The following CDC42SE2 variants were observed in gnomAD, a reference collection of about 807,000 sequenced individuals.
CDC42SE2 encodes the protein CDC42 small effector protein 2.
A neutral mutation model predicts 11.5 loss-of-function variants in CDC42SE2; 3 were observed. The ratio of observed to expected loss-of-function variants is 0.26; its 90% CI spans 0.12 to 0.67. The LOEUF (loss-of-function observed/expected upper bound fraction) is 0.67, where lower values mean the gene tolerates loss of function less well. Among genes scored for constraint, CDC42SE2 ranks in the 30% least tolerant of loss-of-function variants. The pLI is 0.80. For synonymous variants in CDC42SE2, 33 were observed against 34.8 expected, an observed-to-expected ratio of 0.95 and a Z score of 0.18; for missense variants, 82 against 106.8, an observed-to-expected ratio of 0.77 and a Z score of 1.02.
At chr5:131,337,265 G>A (rs193735) in intron 2 of CDC42SE2, among the ~76,000 whole-genome samples, 3,873 of 152,202 alleles carry the variant, frequency 0.025, 72 homozygotes, top group Non-Finnish European at 0.039. Context: ...TATCACCAGC[G>A]GTGGCTGCAG....
chr5:131,246,042 C>A (rs1466094305), intron 1 of CDC42SE2, among the ~76,000 whole-genome samples: 1 of 152,142 alleles, frequency 6.6e-6, no homozygotes, highest in Non-Finnish European at 1.5e-5. Flanking sequence ...AATTGTACTT[C>A]TATTACTTTT....
chr5:131,350,036 A>G (rs1230435865), intron 2 of CDC42SE2, among the ~76,000 whole-genome samples: 1 of 152,140 alleles, frequency 6.6e-6, no homozygotes, highest in Non-Finnish European at 1.5e-5. Flanking sequence ...ATTAATGTCA[A>G]CATCATAGAT....
intron 1 of CDC42SE2, among the ~76,000 whole-genome samples, chr5:131,303,079 G>A (rs1757716210): frequency 6.6e-6 from 1 of 152,136 alleles, no homozygotes. Flanking sequence ...CACTTAAACT[G>A]TTTAAGTGAA....
intron 1 of CDC42SE2, among the ~76,000 whole-genome samples, chr5:131,286,859 C>T (rs761532114): frequency 6.6e-6 from 1 of 151,508 alleles, no homozygotes; most frequent in Non-Finnish European, 1.5e-5. Context: ...ATGTAAGGCT[C>T]CTGGTCAGCA....
At position 131,384,913 on chromosome 5, in the gene CDC42SE2, C is replaced by CAA. The variant is rs34252680; in HGVS notation, c.55-609_55-608dup. Among the ~76,000 whole-genome samples, 480 of 71,550 alleles carry CAA rather than the reference C, an allele frequency of 6.7e-3. 4 individuals carry two copies. Among genetic ancestry groups the CAA allele is most frequent in the Middle Eastern group, 0.014 (2 of 146 alleles). The allele number at this position is 71,550 out of a possible 152,430, so 46.9% of individuals were successfully genotyped here. ...TGGGTAACATAGCAAGACTCCATCT[C>CAA]AAAAAAAAAAAAAAAAAAAAAATTA... On this transcript the variant is annotated intron_variant, in intron 3 of 4. Transcript: ENST00000505065.
At chr5:131,358,340 A>C (rs965446057) in intron 2 of CDC42SE2, among the ~76,000 whole-genome samples, 1 of 152,190 alleles carries the variant, frequency 6.6e-6, no homozygotes, top group Admixed American at 6.5e-5. Context: ...AACTGATCTT[A>C]GGGATGCCTA....
intron 3 of CDC42SE2, among the ~76,000 whole-genome samples, chr5:131,370,660 A>G (rs1348609104): frequency 2.0e-5 from 3 of 152,166 alleles, no homozygotes; most frequent in African/African-American, 7.2e-5. Flanking sequence ...ATCTGACTAT[A>G]TCTGTGAAAT....
In CDC42SE2 at chr5:131,390,700, T is replaced by C. The variant is rs1347132523; in HGVS notation, c.157-293T>C. 2.0e-5 allele frequency among the ~76,000 whole-genome samples: 3 copies of C among 152,104 alleles called. No individual in the cohort carries two copies. In the East Asian group the frequency reaches 5.8e-4, roughly 29 times the overall value. ...AAAAAAAGAAAGTGGAGTTGATCTA[T>C]ATATTTTTGACCATTTTTCAAATGT... On this transcript the variant is annotated intron_variant, in intron 4 of 4. Transcript: ENST00000505065.
upstream of CDC42SE2, among the ~76,000 whole-genome samples, chr5:131,263,354 C>T (rs565191944): frequency 3.3e-5 from 5 of 152,180 alleles, no homozygotes; most frequent in Admixed American, 2.0e-4. Context: ...TTTGAACTTA[C>T]GATAAAGTTT....
chr5:131,293,110 CAT>C (rs1327950969), intron 1 of CDC42SE2, among the ~76,000 whole-genome samples: 2 of 151,954 alleles, frequency 1.3e-5, no homozygotes, highest in Non-Finnish European at 2.9e-5. Context: ...CCCTCAAATT[CAT>C]ATGTTGAAAT....
chr5:131,337,383 G>T (rs1199494322), intron 2 of CDC42SE2, among the ~76,000 whole-genome samples: 1 of 152,184 alleles, frequency 6.6e-6, no homozygotes, highest in African/African-American at 2.4e-5. Context: ...GCCCCTACTG[G>T]GGGGTGCCTC....
intron 3 of CDC42SE2, among the ~76,000 whole-genome samples, chr5:131,369,628 GT>G (rs1389287891): frequency 6.6e-6 from 1 of 152,186 alleles, no homozygotes; most frequent in Non-Finnish European, 1.5e-5. Flanking sequence ...TGTAGTAACA[GT>G]TTTTTGAAGG....
At chr5:131,221,906 G>T in the CDC42SE2 span, among the ~76,000 whole-genome samples, 2 of 152,042 alleles carry the variant, frequency 1.3e-5, no homozygotes, top group African/African-American at 4.8e-5. Flanking sequence ...ATTGTTAAAT[G>T]TTGGTATTGA....
At chr5:131,273,517 T>G (rs1757036930) in intron 1 of CDC42SE2, among the ~76,000 whole-genome samples, 1 of 147,454 alleles carries the variant, frequency 6.8e-6, no homozygotes, top group Non-Finnish European at 1.5e-5. Flanking sequence ...ATGCCTGTAA[T>G]CCCAGCACTT....
intron 1 of CDC42SE2, among the ~76,000 whole-genome samples, chr5:131,295,974 C>T (rs1025072347): frequency 2.0e-5 from 3 of 152,134 alleles, no homozygotes; most frequent in Non-Finnish European, 2.9e-5. Flanking sequence ...CGTGAGCCAC[C>T]GCACCCGGCC....
intron 2 of CDC42SE2, among the ~76,000 whole-genome samples, chr5:131,346,900 A>G (rs1291923318): frequency 1.3e-5 from 2 of 151,348 alleles, no homozygotes; most frequent in African/African-American, 4.9e-5. Flanking sequence ...CTCCTGAATG[A>G]CTAGTGGGTA....
the CDC42SE2 span, among the ~76,000 whole-genome samples, chr5:131,229,973 T>G: frequency 6.6e-6 from 1 of 152,208 alleles, no homozygotes; most frequent in Non-Finnish European, 1.5e-5. Flanking sequence ...TATCTATCTA[T>G]GTACACAGAG....
intron 2 of CDC42SE2, among the ~76,000 whole-genome samples, chr5:131,358,167 A>G (rs967137389): frequency 2.0e-5 from 3 of 152,304 alleles, no homozygotes; most frequent in Middle Eastern, 3.4e-3. Context: ...GATGATTGCA[A>G]AACTTCTCCT....
At chr5:131,314,263 G>T (rs1282938014) in intron 1 of CDC42SE2, among the ~76,000 whole-genome samples, 3 of 149,282 alleles carry the variant, frequency 2.0e-5, no homozygotes, top group South Asian at 4.2e-4. Flanking sequence ...ACAGGATCTG[G>T]CTCTGTTGCC....
Sources: gnomAD v4.1 joint callset for allele counts (sites outside exome capture counted in the v4.1 genomes callset) on GRCh38, gnomAD v4.1.1 for gene constraint, MANE v1.5 for transcripts, NCBI Gene and HGNC (gene_info 2026-07-23, HGNC 2026-07-21) for gene names.